PLA2G4B: variants seen among roughly 807,000 people sequenced by gnomAD.
PLA2G4B encodes cytosolic phospholipase A2 beta.
PLA2G4B carries 122 observed loss-of-function variants against 95.8 expected under a neutral mutation model. The ratio of observed to expected loss-of-function variants is 1.27; its 90% CI spans 1.10 to 1.48. The LOEUF (loss-of-function observed/expected upper bound fraction) is 1.48. Among genes scored for constraint, PLA2G4B ranks in the 40% most tolerant of loss-of-function variants. PLA2G4B has a pLI of 0.00. For synonymous variants in PLA2G4B, 518 were observed against 421.5 expected, an observed-to-expected ratio of 1.23 and a Z score of -2.80; for missense variants, 1,158 against 996.2, an observed-to-expected ratio of 1.16 and a Z score of -2.19.
In PLA2G4B at chr15:41,840,815, C is replaced by T. The variant is rs149982590; in HGVS notation, c.261C>T (p.Thr87=). Residue 87 remains threonine, a synonymous_variant, in exon 4 of 20, where the codon ACC becomes ACT. Coordinates refer to ENST00000458483, the MANE Select transcript of PLA2G4B (RefSeq NM_001114633.2). ...AAGTCTTTGACCAGGACCTGGTGACCGGAGATGACCCTGTGTTGTCAGTAC... is the reference window on the plus strand; with the variant it reads ...AAGTCTTTGACCAGGACCTGGTGACTGGAGATGACCCTGTGTTGTCAGTAC... The part of the protein sequence containing the change: ...ELKVFDQDLV[T]GDDPVLSVLF... The T allele has an allele frequency of 1.6e-4, 265 of 1,614,008 alleles. No individual in the cohort carries two copies. The Middle Eastern group carries it at 2.6e-3, about 16-fold the overall frequency.
Position 41,838,913 on chromosome 15 carries a change from C to T in PLA2G4B, c.-1C>T, listed in dbSNP as rs1199978677. On this transcript the variant is annotated 5_prime_UTR_variant, in exon 1 of 20. Transcript: ENST00000458483. ...ATTCCTGCTCCTGAGGACTCAGTCTCATGGCTGTGGTAAGGCCTGGCAGGG... is the reference window on the plus strand; with the variant it reads ...ATTCCTGCTCCTGAGGACTCAGTCTTATGGCTGTGGTAAGGCCTGGCAGGG... The T allele has an allele frequency of 1.3e-6, 2 of 1,596,234 alleles. No individual in the cohort carries two copies. The highest frequency in any genetic ancestry group is 8.5e-7 in the Non-Finnish European group (1 of 1,170,650).
Position 41,846,670 on chromosome 15 carries a change from T to C in PLA2G4B, c.1782T>C (p.Ala594=), listed in dbSNP as rs892240430. 2 of 1,605,454 alleles carry C rather than the reference T, an allele frequency of 1.2e-6. No homozygotes were observed. The highest frequency in any genetic ancestry group is 1.7e-6 in the Non-Finnish European group (2 of 1,174,178). ...FQHPHFSTWK[A]TTLDGLPNQL... ...TTGCTGCTCTCCCCAACCTTCCAGC[T>C]ACCACTCTGGATGGGCTCCCCAACC... Residue 594 remains alanine, a splice_region_variant and synonymous_variant, in exon 18 of 20, where the codon GCT becomes GCC. Transcript: ENST00000458483.
intron 10 of PLA2G4B, 117 bp from the exon 11 acceptor site, chr15:41,843,559 C>T (rs867105146): frequency 8.7e-6 from 13 of 1,500,748 alleles, no homozygotes; most frequent in Middle Eastern, 1.8e-4. Context: ...ACGGGAGTGG[C>T]ATTGAGGGTT....
In PLA2G4B at chr15:41,841,291, C is replaced by T. The variant is rs760521682; in HGVS notation, c.435+18C>T. On this transcript the variant is annotated intron_variant, in intron 6 of 19. Transcript: ENST00000458483. The stretch of plus-strand genomic sequence containing the variant: ...TTCTGGTGGTGAGTGTGCCAGTGCT[C>T]TGGGAGGCGGTCTGGGGTCCCCGGG... The T allele has an allele frequency of 6.2e-7, 1 of 1,612,204 alleles. No individual in the cohort carries two copies. Among genetic ancestry groups the T allele is most frequent in the Non-Finnish European group, 8.5e-7 (1 of 1,179,966 alleles).
rs755015337 is a variant in PLA2G4B at position 41,842,202 on chromosome 15, G to C, written c.631G>C (p.Glu211Gln). 1 of 1,613,978 alleles carries C rather than the reference G, an allele frequency of 6.2e-7. No homozygotes were observed. The highest frequency in any genetic ancestry group is 8.5e-7 in the Non-Finnish European group (1 of 1,179,984). The change falls in exon 9 of 20, where the codon GAG becomes CAG. Residue 211 changes from glutamate to glutamine, a missense_variant. Physicochemically the swap from Glu to Gln is conservative, Grantham distance 29 (BLOSUM62 2). Coordinates refer to ENST00000458483, the MANE Select transcript of PLA2G4B (RefSeq NM_001114633.2). ...TCTTTGTCCCCTGCAGGATGCCCCC[G>C]AGGAGCAACTAAAGGCGCCACTGAG... ...ELSIRLQDAP[E>Q]EQLKAPLSAL...
At chr15:41,844,740 C>T in intron 12 of PLA2G4B, 108 bp from the exon 13 acceptor site, 1 of 1,549,502 alleles carries the variant, frequency 6.5e-7, no homozygotes, top group Non-Finnish European at 8.7e-7. Context: ...TCAAGGGGAC[C>T]CTGGGAAGGT....
intron 1 of PLA2G4B, chr15:41,839,308 G>A (rs904754206): frequency 5.9e-6 from 1 of 170,614 alleles, no homozygotes; most frequent in African/African-American, 2.4e-5. Context: ...GCACTGCCCT[G>A]GACCTGGTTG....
chr15:41,846,472 G>A, intron 17 of PLA2G4B, 90 bp downstream of exon 17: 1 of 1,530,668 alleles, frequency 6.5e-7, no homozygotes, highest in Non-Finnish European at 8.8e-7. Flanking sequence ...CCATTCTCCT[G>A]CTTTGAGCTT....
At position 41,847,869 on chromosome 15, in the gene PLA2G4B, G is replaced by T. The variant is rs201420531; in HGVS notation, c.*9G>T. Reference sequence around the variant, plus strand: ...AGCGCAGGCCCCACTGATGGCCGGGGCCCCTGCCACCCCTAACTCTCATTC... The same window carrying T: ...AGCGCAGGCCCCACTGATGGCCGGGTCCCCTGCCACCCCTAACTCTCATTC... On this transcript the variant is annotated 3_prime_UTR_variant, in exon 20 of 20. Coordinates refer to ENST00000458483, the MANE Select transcript of PLA2G4B (RefSeq NM_001114633.2). 1 of 1,610,246 alleles carries T rather than the reference G, an allele frequency of 6.2e-7. No individual in the cohort carries two copies. The highest frequency in any genetic ancestry group is 2.2e-5 in the East Asian group (1 of 44,792).
In PLA2G4B at chr15:41,841,238, C is replaced by A. The variant is rs112995620; in HGVS notation, c.400C>A (p.Arg134Ser). ...TCTGGGGGCTCTTTCCAGGGCTGACCGTGGCGAGTGGCTCGTCAGCAATGG... is the reference window on the plus strand; with the variant it reads ...TCTGGGGGCTCTTTCCAGGGCTGACAGTGGCGAGTGGCTCGTCAGCAATGG... ...VEFRLQSLAD[R>S]GEWLVSNGVL... Residue 134 changes from arginine (R) to serine (S), a missense_variant, in exon 6 of 20, where the codon CGT becomes AGT. Physicochemically the swap from Arg to Ser is moderately radical, Grantham distance 110. Transcript: ENST00000458483. 19 of 1,613,760 alleles carry A rather than the reference C, an allele frequency of 1.2e-5. No individual in the cohort carries two copies. Among genetic ancestry groups the A allele is most frequent in the Non-Finnish European group, 1.4e-5 (16 of 1,179,994 alleles).
chr15:41,839,403 G>T, intron 1 of PLA2G4B: 1 of 153,480 alleles, frequency 6.5e-6, no homozygotes, highest in Non-Finnish European at 1.5e-5. Flanking sequence ...CCCTGGTCCC[G>T]GTGCGCCTGC....
chr15:41,840,098 G>T, intron 1 of PLA2G4B, 60 bp from the exon 2 acceptor site: 1 of 1,583,494 alleles, frequency 6.3e-7, no homozygotes. Context: ...CTCCTTTGTG[G>T]CCCCTGTCAC....
chr15:41,845,574 C>CAGGGTG, intron 14 of PLA2G4B, 64 bp from the exon 15 acceptor site: 2 of 1,592,206 alleles, frequency 1.3e-6, no homozygotes, highest in South Asian at 1.1e-5. Context: ...AACCCTGGGT[C>CAGGGTG]GGGGTGGGGG....
chr15:41,844,557 G>C lies in PLA2G4B; in HGVS notation c.966G>C (p.Leu322=). 6.2e-7 allele frequency: 1 copy of C among 1,614,206 alleles called. No individual in the cohort carries two copies. Among genetic ancestry groups the C allele is most frequent in the Non-Finnish European group, 8.5e-7 (1 of 1,180,030 alleles). The change falls in exon 12 of 20, where the codon CTG becomes CTC. Residue 322 remains leucine (L), a synonymous_variant. Coordinates refer to ENST00000458483, the MANE Select transcript of PLA2G4B (RefSeq NM_001114633.2). Reference sequence around the variant, plus strand: ...GGCAGCTGGCTGGCCTGAAGGAGCTGGGCCTCTTGGATTGCGTCTCCTACA... The same window carrying C: ...GGCAGCTGGCTGGCCTGAAGGAGCTCGGCCTCTTGGATTGCGTCTCCTACA... ...LYGQLAGLKE[L]GLLDCVSYIT...
At position 41,843,411 on chromosome 15, in the gene PLA2G4B, G is replaced by A. The variant is rs184049222; in HGVS notation, c.744-265G>A. On this transcript the variant is annotated intron_variant, in intron 10 of 19. Coordinates refer to ENST00000458483, the MANE Select transcript of PLA2G4B (RefSeq NM_001114633.2). Reference sequence around the variant, plus strand: ...GGATCTATGGTATGGGGCCTGCCTGGGGGCCTGTCTGCACCTGGGACCCCA... The same window carrying A: ...GGATCTATGGTATGGGGCCTGCCTGAGGGCCTGTCTGCACCTGGGACCCCA... Among the ~76,000 whole-genome samples, 418 of 152,274 alleles carry A rather than the reference G, an allele frequency of 2.7e-3. 1 individual carries two copies. The highest frequency in any genetic ancestry group is 4.2e-3 in the Non-Finnish European group (289 of 68,016).
chr15:41,840,928 G>T, intron 4 of PLA2G4B, 23 bp downstream of exon 4: 3 of 1,606,572 alleles, frequency 1.9e-6, no homozygotes, highest in Non-Finnish European at 1.7e-6. Context: ...TTCCACGGCA[G>T]CCCTAGCTGG....
chr15:41,842,413 C>T, intron 9 of PLA2G4B, 137 bp downstream of exon 9: 1 of 1,546,834 alleles, frequency 6.5e-7, no homozygotes. Context: ...TGGGGAGTGT[C>T]CTCTGAGCAT....
At chr15:41,841,002 C>T in intron 4 of PLA2G4B, 53 bp from the exon 5 acceptor site, 1 of 1,571,234 alleles carries the variant, frequency 6.4e-7, no homozygotes, top group Non-Finnish European at 8.7e-7. Context: ...TACTCACTGA[C>T]ATATGTGCAC....
rs2065512185 is a variant in PLA2G4B at position 41,845,074 on chromosome 15, CG to C, written c.1239+9del. ...CGAGGCGCTGCTGCATGATGAGGTG[CG>C]GGGGCTGCGGCCTGGGGGCAGAGCC... is the stretch of plus-strand genomic sequence containing the variant. On this transcript the variant is annotated splice_donor_5th_base_variant and intron_variant, in intron 13 of 19. Coordinates refer to ENST00000458483, the MANE Select transcript of PLA2G4B (RefSeq NM_001114633.2). 3 of 1,594,758 alleles carry C rather than the reference CG, an allele frequency of 1.9e-6. No individual in the cohort carries two copies. Among genetic ancestry groups the C allele is most frequent in the African/African-American group, 1.3e-5 (1 of 74,390 alleles).
Sources: allele counts gnomAD v4.1 joint callset (sites outside exome capture counted in the v4.1 genomes callset), GRCh38; gene constraint gnomAD v4.1.1; transcripts MANE v1.5; gene names NCBI Gene and HGNC (gene_info 2026-07-23, HGNC 2026-07-21).